The following GCC2 variants were observed in gnomAD, a reference collection of about 807,000 sequenced individuals.
The protein encoded by GCC2 is GRIP and coiled-coil domain containing 2, also known as GRIP and coiled-coil domain-containing protein 2.
A neutral mutation model predicts 210.6 loss-of-function variants in GCC2; 120 were observed. That is an observed-to-expected ratio of 0.57 (90% CI 0.49 to 0.66). The LOEUF (loss-of-function observed/expected upper bound fraction) is 0.66. Among genes scored for constraint, GCC2 ranks in the 30% least tolerant of loss-of-function variants. The pLI is 0.00. For synonymous variants in GCC2, 703 were observed against 652.7 expected (o/e 1.08, Z -1.17); for missense variants, 1,868 against 1,871.9 (o/e 1.00, Z 0.04).
In GCC2 at chr2:108,483,297, C is replaced by T. The variant is rs553623984; in HGVS notation, c.3450+131C>T. On this transcript the variant is annotated intron_variant, in intron 12 of 22. Coordinates refer to ENST00000309863, the MANE Select transcript of GCC2 (RefSeq NM_181453.4). Reference sequence around the variant, plus strand: ...GGAGTGCAGTGGCATGATCTCGGCTCACTGCAACCTCCGCCTCCCGAGTTC... The same window carrying T: ...GGAGTGCAGTGGCATGATCTCGGCTTACTGCAACCTCCGCCTCCCGAGTTC... The T allele has an allele frequency of 2.2e-3, 1,213 of 558,530 alleles. 3 individuals carry two copies. The highest frequency in any genetic ancestry group is 3.2e-3 in the Non-Finnish European group (1,009 of 310,836). The allele number at this position is 558,530 out of a possible 1,614,324, so 34.6% of individuals were successfully genotyped here. A position where few individuals can be genotyped will look rare whatever the true frequency, so the allele number is the denominator to read the frequency against.
intron 15 of GCC2, 143 bp from the exon 16 acceptor site, chr2:108,486,365 CAAT>C (rs1682139807): frequency 1.3e-6 from 1 of 769,720 alleles, no homozygotes; most frequent in Non-Finnish European, 2.2e-6. Context: ...TCTGCTTTTT[CAAT>C]AATAATACAT....
At chr2:108,460,175 T>C (rs904510324) in intron 4 of GCC2, among the ~76,000 whole-genome samples, 1 of 152,204 alleles carries the variant, frequency 6.6e-6, no homozygotes, top group African/African-American at 2.4e-5. Context: ...CTAATCCTTT[T>C]GTTCTCTCTG....
Position 108,508,497 on chromosome 2 carries a change from C to G in GCC2, c.*867C>G, listed in dbSNP as rs1347852897. ...TTGAGGTGATTTCATGGTGTCTTTC[C>G]AGGCTCTTGATAGGGTGTCACTGCA... On this transcript the variant is annotated 3_prime_UTR_variant, in exon 23 of 23. Transcript: ENST00000309863. 7.6e-6 allele frequency: 1 copy of G among 131,478 alleles called. No individual in the cohort carries two copies. The highest frequency in any genetic ancestry group is 1.6e-5 in the Non-Finnish European group (1 of 61,220). 8.1% of individuals were successfully genotyped at this position (131,478 alleles called of 1,614,324 possible). A position where few individuals can be genotyped will look rare whatever the true frequency, so the allele number is the denominator to read the frequency against.
At chr2:108,502,039 CTTTAA>C (rs1005749922) in intron 22 of GCC2, among the ~76,000 whole-genome samples, 8 of 151,988 alleles carry the variant, frequency 5.3e-5, no homozygotes, top group African/African-American at 1.7e-4. Flanking sequence ...AATTCACTGT[CTTTAA>C]TTTATTCTAA....
At chr2:108,506,486 G>A (rs1182212355) in intron 22 of GCC2, among the ~76,000 whole-genome samples, 1 of 152,198 alleles carries the variant, frequency 6.6e-6, no homozygotes, top group Non-Finnish European at 1.5e-5. Context: ...GAACTTTGAG[G>A]AGGTGAAAAT....
chr2:108,496,934 A>G (rs751036663), intron 20 of GCC2, 36 bp from the exon 21 acceptor site: 3 of 1,610,768 alleles, frequency 1.9e-6, no homozygotes, highest in Non-Finnish European at 2.5e-6. Flanking sequence ...TTAATGTATG[A>G]TTTTGAAAAT....
At chr2:108,484,981 C>T (rs1246618932) in intron 13 of GCC2, among the ~76,000 whole-genome samples, 1 of 151,478 alleles carries the variant, frequency 6.6e-6, no homozygotes, top group East Asian at 1.9e-4. Context: ...CCATGGAATA[C>T]TATGCAGCCA....
chr2:108,485,840 C>A lies in GCC2; in HGVS notation c.3724C>A (p.His1242Asn), dbSNP rs765421952. The A allele has an allele frequency of 6.4e-7, 1 of 1,574,524 alleles. No homozygotes were observed. Among genetic ancestry groups the A allele is most frequent in the Non-Finnish European group, 8.7e-7 (1 of 1,155,868 alleles). Reference sequence around the variant, plus strand: ...GATTCTCATTCTATAGGAAACTGATCACTTAATACTTCAAGCATCTTTAAA... The same window carrying A: ...GATTCTCATTCTATAGGAAACTGATAACTTAATACTTCAAGCATCTTTAAA... ...LADSKQAETD[H>N]LILQASLKGE... Residue 1242 changes from histidine (H) to asparagine (N), a missense_variant, in exon 15 of 23, where the codon CAC becomes AAC. Physicochemically the swap from His to Asn is moderately conservative, Grantham distance 68. Around this residue, in one of 3 missense-constraint regions of GCC2, gnomAD observed 1,847 missense variants for 1,765.2 expected, o/e 1.05. Coordinates refer to ENST00000309863, the MANE Select transcript of GCC2 (RefSeq NM_181453.4).
chr2:108,449,350 C>G lies in GCC2; in HGVS notation c.6+70C>G, dbSNP rs1477949955. The G allele has an allele frequency of 3.9e-6, 6 of 1,522,246 alleles. No individual in the cohort carries two copies. In the East Asian group the frequency reaches 1.2e-4, roughly 31 times the overall value. 94.3% of individuals were successfully genotyped at this position (1,522,246 alleles called of 1,614,324 possible). Reference sequence around the variant, plus strand: ...CGCGATTTGGGATGTGGGAGTGGGCCCGATGGGAGGGCGCGGTAGTCTCCC... The same window carrying G: ...CGCGATTTGGGATGTGGGAGTGGGCGCGATGGGAGGGCGCGGTAGTCTCCC... On this transcript the variant is annotated intron_variant, in intron 1 of 22. Coordinates refer to ENST00000309863, the MANE Select transcript of GCC2 (RefSeq NM_181453.4).
At position 108,471,930 on chromosome 2, in the gene GCC2, T is replaced by C; in HGVS notation, c.2601T>C (p.Ala867=). 6.2e-7 allele frequency: 1 copy of C among 1,602,476 alleles called. No homozygotes were observed. The highest frequency in any genetic ancestry group is 8.5e-7 in the Non-Finnish European group (1 of 1,176,814). The change falls in exon 6 of 23, where the codon GCT becomes GCC. Residue 867 remains alanine, a synonymous_variant. Transcript: ENST00000309863. ...CTGATCTTCTAGAAATGAAGAATGCTAATGAAAAAACAAGGCTTGAAAATC... is the reference window on the plus strand; with the variant it reads ...CTGATCTTCTAGAAATGAAGAATGCCAATGAAAAAACAAGGCTTGAAAATC... ...LQSDLLEMKN[A]NEKTRLENQN... is the part of the protein sequence containing the mutation.
At chr2:108,450,060 C>A (rs1679844078) in intron 2 of GCC2, 1 of 197,502 alleles carries the variant, frequency 5.1e-6, no homozygotes, top group Non-Finnish European at 1.0e-5. Flanking sequence ...TTAATTAGTC[C>A]AGTTTTATGG....
Position 108,507,030 on chromosome 2 carries a change from C to G in GCC2, c.4985-530C>G, listed in dbSNP as rs200615910. Among the ~76,000 whole-genome samples the G allele has an allele frequency of 7.9e-4, 121 of 152,232 alleles. 4 individuals are homozygous for G. The East Asian group carries it at 0.022, about 27-fold the overall frequency. On this transcript the variant is annotated intron_variant, in intron 22 of 22. Coordinates refer to ENST00000309863, the MANE Select transcript of GCC2 (RefSeq NM_181453.4). ...TTTTAAAGCTAAAATAGAAAATTAG[C>G]TGTTAAGTTGGCTCAACCGGAAATT...
At chr2:108,468,825 A>G (rs557331331) in intron 4 of GCC2, among the ~76,000 whole-genome samples, 155 bp from the exon 5 acceptor site, 1 of 152,192 alleles carries the variant, frequency 6.6e-6, no homozygotes, top group South Asian at 2.1e-4. Flanking sequence ...TCTTATCCTT[A>G]TATCTTTTCT....
intron 13 of GCC2, among the ~76,000 whole-genome samples, chr2:108,485,134 A>G (rs1682065514): frequency 6.6e-6 from 1 of 150,708 alleles, no homozygotes; most frequent in African/African-American, 2.4e-5. Context: ...GATCACATGG[A>G]CACAGGAAGG....
At chr2:108,460,040 A>G (rs1027294378) in intron 4 of GCC2, among the ~76,000 whole-genome samples, 3 of 151,926 alleles carry the variant, frequency 2.0e-5, no homozygotes, top group Non-Finnish European at 4.4e-5. Flanking sequence ...TGGTAGAGAC[A>G]GGGTTTCACC....
chr2:108,484,416 A>C (rs917893748), intron 13 of GCC2, 105 bp downstream of exon 13: 1 of 651,898 alleles, frequency 1.5e-6, no homozygotes, highest in Non-Finnish European at 2.6e-6. Context: ...ACTGTCAGTC[A>C]GGTGTTTAAC....
Position 108,449,242 on chromosome 2 carries a change from G to A in GCC2, c.-33G>A, listed in dbSNP as rs1014717464. 10 of 1,547,574 alleles carry A rather than the reference G, an allele frequency of 6.5e-6. 1 individual carries two copies. The highest frequency in any genetic ancestry group is 1.7e-4 in the Middle Eastern group (1 of 5,992). ...CAAACAGAAGTGCAGCGGTGGCGGC[G>A]GCTGGTTGCGGGCCGGCGGCGGGCT... is the stretch of plus-strand genomic sequence containing the variant. On this transcript the variant is annotated 5_prime_UTR_variant, in exon 1 of 23. Transcript: ENST00000309863.
At chr2:108,487,068 T>C (rs1682176809) in intron 16 of GCC2, among the ~76,000 whole-genome samples, 1 of 152,164 alleles carries the variant, frequency 6.6e-6, no homozygotes, top group African/African-American at 2.4e-5. Flanking sequence ...ATTTAAGCAA[T>C]CCTGGCAACA....
intron 9 of GCC2, among the ~76,000 whole-genome samples, chr2:108,477,613 G>C (rs976630443): frequency 2.6e-5 from 4 of 152,286 alleles, no homozygotes; most frequent in African/African-American, 7.2e-5. Context: ...AAGGAATTAG[G>C]TTTTTATTTC....
Sources: allele counts gnomAD v4.1 joint callset (sites outside exome capture counted in the v4.1 genomes callset), GRCh38; gene constraint gnomAD v4.1.1; regional missense constraint gnomAD v4.1.1; transcripts MANE v1.5; gene names NCBI Gene and HGNC (gene_info 2026-07-23, HGNC 2026-07-21).